Variants in GTF2I observed in about 807,000 individuals in gnomAD.
GTF2I encodes general transcription factor II-I.
Under a neutral mutation model 67.6 loss-of-function variants are expected in GTF2I, and 12 were observed. The observed-to-expected ratio is 0.18, with a 90% CI of 0.11 to 0.29. The LOEUF (loss-of-function observed/expected upper bound fraction) is 0.29, where lower values mean the gene tolerates loss of function less well. Among genes scored for constraint, GTF2I ranks in the 10% least tolerant of loss-of-function variants. The probability of loss-of-function intolerance (pLI) is 1.00; values close to 1 mark genes in which losing one functional copy is unlikely to be tolerated. For missense variants in GTF2I, 271 were observed against 580.1 expected (o/e 0.47, Z 5.47); for synonymous variants, 149 against 197.0 (o/e 0.76, Z 2.04).
intron 1 of GTF2I, among the ~76,000 whole-genome samples, chr7:74,673,412 T>C (rs1805624511): frequency 6.6e-6 from 1 of 152,092 alleles, no homozygotes; most frequent in African/African-American, 2.4e-5. Flanking sequence ...GTTTCTCTCT[T>C]GTTGCCCAGG....
rs138925565 is a variant in GTF2I, at chr7:74,677,978, A to AT, written c.-5-11140dup. Among the ~76,000 whole-genome samples, 1,212 of 152,082 alleles carry AT rather than the reference A, an allele frequency of 8.0e-3. 9 individuals are homozygous for AT. The highest frequency in any genetic ancestry group is 0.031 in the Middle Eastern group (9 of 294). Reference sequence around the variant, plus strand: ...TACTGCAGACTCACCGCTGTAGTCCATTTTTTGGAATAGGGGGACAAAAAC... The same window carrying AT: ...TACTGCAGACTCACCGCTGTAGTCCATTTTTTTGGAATAGGGGGACAAAAAC... On this transcript the variant is annotated intron_variant, in intron 1 of 34. Coordinates refer to ENST00000573035, the MANE Select transcript of GTF2I (RefSeq NM_032999.4).
At position 74,658,022 on chromosome 7, in the gene GTF2I, C is replaced by T. The variant is rs1804069023; in HGVS notation, c.-52C>T. 6.6e-6 allele frequency: 1 copy of T among 151,618 alleles called. No homozygotes were observed. The highest frequency in any genetic ancestry group is 2.1e-4 in the South Asian group (1 of 4,820). 9.4% of individuals were successfully genotyped at this position (151,618 alleles called of 1,614,324 possible). On this transcript the variant is annotated 5_prime_UTR_variant, in exon 1 of 35. Transcript: ENST00000573035. The stretch of plus-strand genomic sequence containing the variant: ...CCGCGCGCGGCCCACACTCGCCTCC[C>T]CTCGGCACCCCCGGCCCCGGAGCTG...
intron 13 of GTF2I, among the ~76,000 whole-genome samples, chr7:74,729,504 G>A (rs199672398): frequency 0.018 from 2,554 of 139,860 alleles, 27 homozygotes; most frequent in South Asian, 0.033. Context: ...TTGAGACAGA[G>A]TCTTGCTCTG....
chr7:74,734,478 G>A (rs1554407277), intron 16 of GTF2I, among the ~76,000 whole-genome samples: 1 of 151,696 alleles, frequency 6.6e-6, no homozygotes, highest in Non-Finnish European at 1.5e-5. Flanking sequence ...CTGGAGTGCA[G>A]TGGTGCGATC....
intron 1 of GTF2I, among the ~76,000 whole-genome samples, chr7:74,662,726 G>T (rs1276006279): frequency 6.6e-6 from 1 of 151,816 alleles, no homozygotes; most frequent in Non-Finnish European, 1.5e-5. Context: ...GTTTCATCAT[G>T]CTGGCCAGGC....
chr7:74,689,576 G>A (rs782145561), intron 2 of GTF2I, among the ~76,000 whole-genome samples: 4 of 151,636 alleles, frequency 2.6e-5, no homozygotes, highest in Non-Finnish European at 5.9e-5. Context: ...GGCCGGTCTC[G>A]AACTCCTGAC....
rs1419538729 is a variant in GTF2I, at chr7:74,657,729, T to C, written c.-345T>C. ...AGGAGGAGGAGGGTGAGAGAGAAGCTGGGAGAGCAGAGAAAAGGGGCCACC... is the reference window on the plus strand; with the variant it reads ...AGGAGGAGGAGGGTGAGAGAGAAGCCGGGAGAGCAGAGAAAAGGGGCCACC... On this transcript the variant is annotated 5_prime_UTR_variant, in exon 1 of 35. Coordinates refer to ENST00000573035, the MANE Select transcript of GTF2I (RefSeq NM_032999.4). 1.5e-5 allele frequency: 2 copies of C among 136,596 alleles called. No individual in the cohort carries two copies. The highest frequency in any genetic ancestry group is 5.5e-5 in the African/African-American group (2 of 36,484). The allele number at this position is 136,596 out of a possible 1,614,324, so 8.5% of individuals were successfully genotyped here.
intron 12 of GTF2I, 134 bp downstream of exon 12, chr7:74,719,075 C>G (rs1554404103): frequency 7.7e-6 from 4 of 518,740 alleles, no homozygotes; most frequent in Non-Finnish European, 1.4e-5. Context: ...GTCTGTGTGG[C>G]CAAAGCAGCC....
In GTF2I at chr7:74,691,311, A is replaced by G. The variant is rs782111634; in HGVS notation, c.238+200A>G. 3.2e-4 allele frequency among the ~76,000 whole-genome samples: 48 copies of G among 150,720 alleles called. 1 individual carries two copies. Among genetic ancestry groups the G allele is most frequent in the South Asian group, 2.1e-4 (1 of 4,816 alleles). On this transcript the variant is annotated intron_variant, in intron 3 of 34. Transcript: ENST00000573035. ...AACCCCCGCTGCGTGAGTTCAAGTG[A>G]TTCTCCTGCCTCAGCCTCCCAAGTA...
chr7:74,702,525 C>G (rs1251499618), intron 6 of GTF2I, among the ~76,000 whole-genome samples: 1 of 152,108 alleles, frequency 6.6e-6, no homozygotes, highest in Non-Finnish European at 1.5e-5. Flanking sequence ...CCCTGCTACA[C>G]TGAACTTTGA....
At chr7:74,658,892 G>A (rs1804205314) in intron 1 of GTF2I, among the ~76,000 whole-genome samples, 1 of 152,114 alleles carries the variant, frequency 6.6e-6, no homozygotes. Context: ...AATGGAAAAA[G>A]CTGTCTCCTT....
chr7:74,684,462 C>T (rs1787518012), intron 1 of GTF2I, among the ~76,000 whole-genome samples: 1 of 152,164 alleles, frequency 6.6e-6, no homozygotes, highest in Non-Finnish European at 1.5e-5. Flanking sequence ...CCGATGCCTC[C>T]TCTGGTGTTC....
At chr7:74,684,553 G>T (rs1554394922) in intron 1 of GTF2I, 1 of 152,272 alleles carries the variant, frequency 6.6e-6, no homozygotes, top group East Asian at 1.9e-4. Flanking sequence ...AGTGAAGGGT[G>T]CAGGGAAGCC....
chr7:74,716,817 A>G (rs1792322769), intron 10 of GTF2I, 77 bp from the exon 11 acceptor site: 1 of 931,096 alleles, frequency 1.1e-6, no homozygotes, highest in Non-Finnish European at 1.7e-6. Context: ...GATTGTTTGC[A>G]TTGTTACCTA....
At chr7:74,705,249 C>T in intron 7 of GTF2I, 31 bp downstream of exon 7, 1 of 1,307,616 alleles carries the variant, frequency 7.6e-7, no homozygotes, top group Non-Finnish European at 1.1e-6. Context: ...TGCTGTTTAA[C>T]TCCCACACCT....
intron 12 of GTF2I, among the ~76,000 whole-genome samples, chr7:74,719,142 T>C (rs1392263319): frequency 2.0e-5 from 3 of 152,184 alleles, no homozygotes; most frequent in Non-Finnish European, 2.9e-5. Flanking sequence ...AGAATTAGCA[T>C]TGGCCCACGG....
At chr7:74,694,586 G>GA (rs1243808682) in intron 3 of GTF2I, among the ~76,000 whole-genome samples, 5 of 149,736 alleles carry the variant, frequency 3.3e-5, no homozygotes, top group Non-Finnish European at 5.9e-5. Context: ...TGTCTCAAAA[G>GA]AAAAAAAAAG....
At chr7:74,674,248 G>A (rs1279871487) in intron 1 of GTF2I, among the ~76,000 whole-genome samples, 1 of 151,646 alleles carries the variant, frequency 6.6e-6, no homozygotes, top group Non-Finnish European at 1.5e-5. Context: ...TAAATTTTTG[G>A]TAGAGAAGGG....
intron 1 of GTF2I, among the ~76,000 whole-genome samples, chr7:74,685,862 G>T (rs1554395379): frequency 6.6e-6 from 1 of 151,656 alleles, no homozygotes; most frequent in Non-Finnish European, 1.5e-5. Flanking sequence ...TACCATCCTG[G>T]CTAACATGGT....
Sources: allele counts gnomAD v4.1 joint callset (sites outside exome capture counted in the v4.1 genomes callset), GRCh38; gene constraint gnomAD v4.1.1; transcripts MANE v1.5; gene names NCBI Gene and HGNC (gene_info 2026-07-23, HGNC 2026-07-21).